Variants in SLC2A5 observed in about 807,000 individuals in gnomAD.
SLC2A5 encodes solute carrier family 2, facilitated glucose transporter member 5.
SLC2A5 carries 56 observed loss-of-function variants against 50.3 expected under a neutral mutation model. The ratio of observed to expected loss-of-function variants is 1.11; its 90% CI spans 0.90 to 1.39. The LOEUF is 1.39. SLC2A5 is among the 40% of genes most tolerant of loss of function. The pLI, the probability that SLC2A5 is intolerant of heterozygous loss-of-function variation, is 0.00. For synonymous variants in SLC2A5, 269 were observed against 281.9 expected, an observed-to-expected ratio of 0.95 and a Z score of 0.46; for missense variants, 566 against 650.1, an observed-to-expected ratio of 0.87 and a Z score of 1.41.
At chr1:9,081,715 C>T (rs1642355260) in intron 2 of SLC2A5, among the ~76,000 whole-genome samples, 1 of 151,834 alleles carries the variant, frequency 6.6e-6, no homozygotes, top group African/African-American at 2.4e-5. Flanking sequence ...TAGAGAAATG[C>T]AAATCAAAAA....
intron 3 of SLC2A5, among the ~76,000 whole-genome samples, chr1:9,052,323 T>C (rs1430182664): frequency 6.6e-6 from 1 of 152,068 alleles, no homozygotes; most frequent in African/African-American, 2.4e-5. Context: ...TACTATGTGA[T>C]TCCAACTATA....
chr1:9,052,356 T>C (rs566722511), intron 3 of SLC2A5, among the ~76,000 whole-genome samples: 8 of 152,128 alleles, frequency 5.3e-5, no homozygotes, highest in African/African-American at 1.9e-4. Flanking sequence ...AAAGGCAAAC[T>C]ATGGAGATAG....
At position 9,037,639 on chromosome 1, in the gene SLC2A5, A is replaced by G. The variant is rs754228724; in HGVS notation, c.1453T>C (p.Tyr485His). The G allele has an allele frequency of 8.1e-6, 13 of 1,614,168 alleles. 1 individual carries two copies. Among genetic ancestry groups the G allele is most frequent in the African/African-American group, 8.0e-5 (6 of 75,064 alleles). Residue 485 changes from tyrosine to histidine, a missense_variant, in exon 12 of 12, where the codon TAC becomes CAC. Physicochemically the swap from Tyr to His is moderately conservative, Grantham distance 83 (BLOSUM62 2). Transcript: ENST00000377424. ...FTKMNKVSEV[Y>H]PEKEELKELP... ...TCTTTCAGTTCCTCCTTTTCCGGGTACACTTCAGACACCTTATTCATCTTG... is the reference window on the plus strand; with the variant it reads ...TCTTTCAGTTCCTCCTTTTCCGGGTGCACTTCAGACACCTTATTCATCTTG...
intron 8 of SLC2A5, 70 bp downstream of exon 8, chr1:9,039,482 G>A (rs2124306409): frequency 8.5e-7 from 1 of 1,171,234 alleles, no homozygotes; most frequent in Non-Finnish European, 1.2e-6. Flanking sequence ...CCTTTTGGCG[G>A]CGCCGAGGCT....
Position 9,040,383 on chromosome 1 carries a change from G to A in SLC2A5, c.572-194C>T. The A allele has an allele frequency of 3.1e-6, 2 of 638,048 alleles. No homozygotes were observed. Among genetic ancestry groups the A allele is most frequent in the South Asian group, 3.9e-5 (2 of 51,152 alleles). 39.5% of individuals were successfully genotyped at this position (638,048 alleles called of 1,614,324 possible). On this transcript the variant is annotated intron_variant, in intron 5 of 11. Transcript: ENST00000377424. The surrounding 1 kb of genome is among the most constrained non-coding windows in gnomAD (Gnocchi z 4.3). ...ACCTGCAGCAGGGATCAGCAGCGAC[G>A]CACCCCTGCGCCCATCAGACAGACC...
intron 1 of SLC2A5, among the ~76,000 whole-genome samples, chr1:9,062,805 G>A (rs1641978947): frequency 6.6e-6 from 1 of 152,176 alleles, no homozygotes; most frequent in South Asian, 2.1e-4. Flanking sequence ...CTGGGAGATG[G>A]AGGTTGCAGT....
At chr1:9,038,798 C>T (rs746200609) in intron 9 of SLC2A5, 30 bp downstream of exon 9, 19 of 1,542,612 alleles carry the variant, frequency 1.2e-5, no homozygotes, top group Middle Eastern at 1.7e-4. Context: ...GGTGCAGCTC[C>T]GGGCTCCTGG....
At position 9,051,251 on chromosome 1, in the gene SLC2A5, AAGAG is replaced by A. The variant is rs551300365; in HGVS notation, c.294-3521_294-3518del. 1.1e-3 allele frequency among the ~76,000 whole-genome samples: 161 copies of A among 151,830 alleles called. 1 individual carries two copies. The highest frequency in any genetic ancestry group is 3.5e-3 in the African/African-American group (144 of 41,432). ...AGGAAGGAAGGAAGGAATGAAGGAA[AAGAG>A]AGAGAGAGACAAAGAAAGAAAGAAA... On this transcript the variant is annotated intron_variant, in intron 3 of 11. Transcript: ENST00000377424.
intron 4 of SLC2A5, among the ~76,000 whole-genome samples, chr1:9,044,401 A>T (rs138941391): frequency 6.6e-6 from 1 of 152,298 alleles, no homozygotes; most frequent in East Asian, 1.9e-4. Flanking sequence ...CTTCCTGCCA[A>T]GAAGTTGATT....
rs1641213795 is a variant in SLC2A5 at position 9,038,862 on chromosome 1, G to A, written c.1064C>T (p.Ala355Val). ...LLLGFSICLIACCVLTAALAL... is the reference protein window; with the variant it reads ...LLLGFSICLIVCCVLTAALAL... The stretch of plus-strand genomic sequence containing the variant: ...CAGAGCTGCAGTGAGCACGCAGCAG[G>A]CTATGAGGCAGATGGAGAAGCCCAG... Residue 355 changes from alanine (A) to valine (V), a missense_variant, in exon 9 of 12, where the codon GCC becomes GTC. Coordinates refer to ENST00000377424, the MANE Select transcript of SLC2A5 (RefSeq NM_003039.3). 2 of 1,612,526 alleles carry A rather than the reference G, an allele frequency of 1.2e-6. No homozygotes were observed. The highest frequency in any genetic ancestry group is 2.2e-5 in the East Asian group (1 of 44,874).
At chr1:9,056,947 G>C (rs1188091113) in intron 3 of SLC2A5, among the ~76,000 whole-genome samples, 1 of 152,156 alleles carries the variant, frequency 6.6e-6, no homozygotes, top group Non-Finnish European at 1.5e-5. Context: ...ACCCTGCCTA[G>C]GTCCCCAAAC....
intron 1 of SLC2A5, among the ~76,000 whole-genome samples, chr1:9,066,834 C>T (rs1447716681): frequency 6.6e-6 from 1 of 151,762 alleles, no homozygotes; most frequent in Non-Finnish European, 1.5e-5. Flanking sequence ...AAAAATTAGC[C>T]AAGGGTGGTG....
upstream of SLC2A5, among the ~76,000 whole-genome samples, chr1:9,072,852 CT>C (rs1409116685): frequency 6.7e-6 from 1 of 150,330 alleles, no homozygotes; most frequent in Non-Finnish European, 1.5e-5. Context: ...ATTCCAACTA[CT>C]TGGGAGGCTG....
chr1:9,092,327 C>T (rs1451345474), upstream of SLC2A5, among the ~76,000 whole-genome samples: 2 of 152,188 alleles, frequency 1.3e-5, no homozygotes, highest in Non-Finnish European at 2.9e-5. Context: ...ACAAATTAGT[C>T]CTACCTGACC....
chr1:9,046,611 C>T lies in SLC2A5; in HGVS notation c.418+999G>A, dbSNP rs559315198. Among the ~76,000 whole-genome samples, 195 of 152,028 alleles carry T rather than the reference C, an allele frequency of 1.3e-3. 2 individuals carry two copies. Among genetic ancestry groups the T allele is most frequent in the African/African-American group, 4.6e-3 (189 of 41,454 alleles). On this transcript the variant is annotated intron_variant, in intron 4 of 11. Coordinates refer to ENST00000377424, the MANE Select transcript of SLC2A5 (RefSeq NM_003039.3). The stretch of plus-strand genomic sequence containing the variant: ...TAGATTGTTTCTCAAGCTTTTTTGA[C>T]TCTCACCCACAGTAAAAAATACAGA...
At chr1:9,074,756 G>A (rs920892442) in intron 2 of SLC2A5, among the ~76,000 whole-genome samples, 3 of 152,126 alleles carry the variant, frequency 2.0e-5, no homozygotes, top group Non-Finnish European at 2.9e-5. Flanking sequence ...TTCAAGAAGC[G>A]CTTTCTCCTG....
At position 9,061,061 on chromosome 1, in the gene SLC2A5, G is replaced by C. The variant is rs192944625; in HGVS notation, c.34-2811C>G. Among the ~76,000 whole-genome samples, 57 of 152,048 alleles carry C rather than the reference G, an allele frequency of 3.7e-4. No individual in the cohort carries two copies. In the East Asian group the frequency reaches 9.9e-3, roughly 27 times the overall value. On this transcript the variant is annotated intron_variant, in intron 1 of 11. Coordinates refer to ENST00000377424, the MANE Select transcript of SLC2A5 (RefSeq NM_003039.3). ...GCACTTTGGGAGGTTGAGATGGGTA[G>C]ACTGCTTGAGCCCAGGAGTTCTCAG...
At position 9,040,757 on chromosome 1, in the gene SLC2A5, C is replaced by T. The variant is rs980505024; in HGVS notation, c.572-568G>A. On this transcript the variant is annotated intron_variant, in intron 5 of 11. Coordinates refer to ENST00000377424, the MANE Select transcript of SLC2A5 (RefSeq NM_003039.3). This position sits in a 1 kb window ranked among gnomAD's most constrained non-coding sequence, Gnocchi z 4.3. ...TAGAGGGCCGTGTGTGGTTCTGAGT[C>T]CTGCTATGGAGCTCCCTGAGACAGG... 2.0e-5 allele frequency: 3 copies of T among 153,626 alleles called. No individual in the cohort carries two copies. In the East Asian group the frequency reaches 5.7e-4, roughly 29 times the overall value. The allele number at this position is 153,626 out of a possible 1,614,324, so 9.5% of individuals were successfully genotyped here.
rs1641266785 is a variant in SLC2A5, at chr1:9,040,284, G to A, written c.572-95C>T. On this transcript the variant is annotated intron_variant, in intron 5 of 11. Transcript: ENST00000377424. The surrounding 1 kb of genome is among the most constrained non-coding windows in gnomAD (Gnocchi z 4.3). Reference sequence around the variant, plus strand: ...GCCCCAGCCCCGTCATCCTGAGTGGGGTGCAGGCTCCAGGAGGGCACAGCT... The same window carrying A: ...GCCCCAGCCCCGTCATCCTGAGTGGAGTGCAGGCTCCAGGAGGGCACAGCT... The A allele has an allele frequency of 6.9e-7, 1 of 1,439,624 alleles. No individual in the cohort carries two copies. The highest frequency in any genetic ancestry group is 9.2e-7 in the Non-Finnish European group (1 of 1,083,394). 89.2% of individuals were successfully genotyped at this position (1,439,624 alleles called of 1,614,324 possible).
Sources: gnomAD v4.1 joint callset for allele counts (sites outside exome capture counted in the v4.1 genomes callset) on GRCh38, gnomAD v4.1.1 for gene constraint, Gnocchi (gnomAD v3.1) non-coding constraint, MANE v1.5 for transcripts, NCBI Gene and HGNC (gene_info 2026-07-23, HGNC 2026-07-21) for gene names.